CENPK: variants seen among roughly 807,000 people sequenced by gnomAD.
The protein encoded by CENPK is centromere protein K, also known as SoxLZ/Sox6-binding protein Solt.
CENPK carries 46 observed loss-of-function variants against 40.9 expected under a neutral mutation model. That is an observed-to-expected ratio of 1.13 (90% CI 0.89 to 1.44). The LOEUF is 1.44. CENPK is among the 40% of genes most tolerant of loss of function. CENPK has a pLI of 0.00. For missense variants in CENPK, 288 were observed against 303.5 expected (o/e 0.95, Z 0.38); for synonymous variants, 107 against 104.4 (o/e 1.02, Z -0.15).
intron 6 of CENPK, among the ~76,000 whole-genome samples, chr5:65,539,476 CAT>C (rs1747560418): frequency 6.6e-6 from 1 of 152,190 alleles, no homozygotes; most frequent in African/African-American, 2.4e-5. Flanking sequence ...GAAGGGGTAA[CAT>C]GTCCCAATTA....
chr5:65,501,210 C>T, the CENPK span, among the ~76,000 whole-genome samples: 6 of 118,368 alleles, frequency 5.1e-5, no homozygotes, highest in South Asian at 3.0e-4. Context: ...GACAGAGTCT[C>T]GCTCTGTCAT....
At chr5:65,557,125 A>G (rs1751117278) in intron 2 of CENPK, among the ~76,000 whole-genome samples, 2 of 152,192 alleles carry the variant, frequency 1.3e-5, no homozygotes, top group Non-Finnish European at 2.9e-5. Context: ...TCTGAGAAGG[A>G]GCACTCAGTA....
intron 5 of CENPK, chr5:65,550,586 G>C (rs953586012): frequency 2.0e-5 from 3 of 152,150 alleles, no homozygotes; most frequent in Non-Finnish European, 2.9e-5. Context: ...CCCCCAACCA[G>C]ATGTAATAAT....
At chr5:65,509,782 A>G in the CENPK span, among the ~76,000 whole-genome samples, 3 of 152,332 alleles carry the variant, frequency 2.0e-5, no homozygotes, top group African/African-American at 7.2e-5. Flanking sequence ...TACCACTACA[A>G]TATCTCCAAC....
rs184944035 is a variant in CENPK at position 65,542,667 on chromosome 5, T to C, written c.288+135A>G. The C allele has an allele frequency of 7.7e-5, 48 of 619,804 alleles. No homozygotes were observed. In the East Asian group the frequency reaches 1.5e-3, roughly 19 times the overall value. The allele number at this position is 619,804 out of a possible 1,614,324, so 38.4% of individuals were successfully genotyped here. On this transcript the variant is annotated intron_variant, in intron 6 of 10. Transcript: ENST00000396679. ...AAAAAAAATCAAATATTATGTTCAA[T>C]AAAACATAAATAAAAGCAGAAAATT... is the stretch of plus-strand genomic sequence containing the variant.
chr5:65,509,375 T>G, the CENPK span, among the ~76,000 whole-genome samples: 1 of 152,206 alleles, frequency 6.6e-6, no homozygotes, highest in Non-Finnish European at 1.5e-5. Context: ...AGAATTCATA[T>G]AGTTAGAATC....
rs536793478 is a variant in CENPK, at chr5:65,544,708, G to A, written c.242-1860C>T. 5.9e-3 allele frequency among the ~76,000 whole-genome samples: 901 copies of A among 152,266 alleles called. 4 individuals are homozygous for A. Among genetic ancestry groups the A allele is most frequent in the African/African-American group, 0.021 (858 of 41,558 alleles). On this transcript the variant is annotated intron_variant, in intron 5 of 10. Transcript: ENST00000396679. Reference sequence around the variant, plus strand: ...GAAATACTATTCAGCCTTAAAAAAGGAAGGAAATTCTAACGTGCTACAACA... The same window carrying A: ...GAAATACTATTCAGCCTTAAAAAAGAAAGGAAATTCTAACGTGCTACAACA...
rs371367880 is a variant in CENPK at position 65,547,222 on chromosome 5, G to A, written c.241+4342C>T. 4.2e-4 allele frequency among the ~76,000 whole-genome samples: 64 copies of A among 151,836 alleles called. 1 individual carries two copies. In the East Asian group the frequency reaches 4.5e-3, roughly 11 times the overall value. ...AGCCTGGCCAACATGGCAAAACCCC[G>A]TCTCTACTACAAATACAAAAATTAG... On this transcript the variant is annotated intron_variant, in intron 5 of 10. Transcript: ENST00000396679.
At chr5:65,514,381 C>T (rs561136320), downstream of CENPK, among the ~76,000 whole-genome samples, 1 of 151,698 alleles carries the variant, frequency 6.6e-6, no homozygotes, top group African/African-American at 2.4e-5. Flanking sequence ...TCTTTTGCCT[C>T]AGCCTCCCGA....
intron 6 of CENPK, chr5:65,529,897 C>CG (rs1361816513): frequency 6.6e-6 from 1 of 152,354 alleles, no homozygotes; most frequent in East Asian, 1.9e-4. Context: ...CTCTGCCTCC[C>CG]GGGTTCAAGT....
chr5:65,560,414 G>A (rs1183156530), intron 2 of CENPK, among the ~76,000 whole-genome samples: 1 of 152,080 alleles, frequency 6.6e-6, no homozygotes, highest in Admixed American at 6.5e-5. Flanking sequence ...TGGGCCAAAT[G>A]GAGAGATTTC....
chr5:65,525,597 A>C (rs2150359387), intron 9 of CENPK, among the ~76,000 whole-genome samples: 1 of 152,328 alleles, frequency 6.6e-6, no homozygotes. Context: ...TTTGAGTTAT[A>C]AAGTCCAGTG....
chr5:65,524,147 G>A (rs145618518), intron 9 of CENPK, among the ~76,000 whole-genome samples: 6 of 151,960 alleles, frequency 3.9e-5, no homozygotes, highest in African/African-American at 7.3e-5. Context: ...AGGCCAAGGC[G>A]GGCAGATCAC....
At chr5:65,538,505 T>G (rs1174114303) in intron 6 of CENPK, among the ~76,000 whole-genome samples, 1 of 152,196 alleles carries the variant, frequency 6.6e-6, no homozygotes, top group East Asian at 1.9e-4. Flanking sequence ...TTAAGTCATT[T>G]TTCTCTTCTC....
chr5:65,536,168 T>C lies in CENPK; in HGVS notation c.288+6634A>G, dbSNP rs1241657309. 2.6e-5 allele frequency among the ~76,000 whole-genome samples: 4 copies of C among 152,200 alleles called. No individual in the cohort carries two copies. In the South Asian group the frequency reaches 8.3e-4, roughly 32 times the overall value. ...TTTTGGGACAGATGCTGGCACTGCATCAAGTTTGGATTCTGGCCACTCTAA... is the reference window on the plus strand; with the variant it reads ...TTTTGGGACAGATGCTGGCACTGCACCAAGTTTGGATTCTGGCCACTCTAA... On this transcript the variant is annotated intron_variant, in intron 6 of 10. Transcript: ENST00000396679.
chr5:65,559,634 A>C (rs1233309220), intron 2 of CENPK, among the ~76,000 whole-genome samples: 7 of 151,750 alleles, frequency 4.6e-5, no homozygotes, highest in African/African-American at 1.7e-4. Flanking sequence ...GTCTCAGAAA[A>C]AAAAAAAAAA....
the CENPK span, among the ~76,000 whole-genome samples, chr5:65,502,078 C>A: frequency 1.3e-5 from 2 of 152,176 alleles, no homozygotes; most frequent in Non-Finnish European, 2.9e-5. Context: ...TATAGCTCAA[C>A]AAGGGTGGAA....
chr5:65,542,981 C>A, intron 5 of CENPK, 133 bp from the exon 6 acceptor site: 1 of 695,542 alleles, frequency 1.4e-6, no homozygotes, highest in Non-Finnish European at 2.3e-6. Context: ...TTCTCCCCTC[C>A]AAGGCAGAGT....
At chr5:65,528,850 T>C in intron 8 of CENPK, 69 bp downstream of exon 8, 6 of 889,584 alleles carry the variant, frequency 6.7e-6, no homozygotes, top group Middle Eastern at 7.0e-4. Flanking sequence ...TAACTTCATC[T>C]ATGTTTCATG....
Sources: gnomAD v4.1 joint callset for allele counts (sites outside exome capture counted in the v4.1 genomes callset) on GRCh38, gnomAD v4.1.1 for gene constraint, MANE v1.5 for transcripts, NCBI Gene and HGNC (gene_info 2026-07-23, HGNC 2026-07-21) for gene names.